ST6GALNAC3: variants seen among roughly 807,000 people sequenced by gnomAD.
ST6GALNAC3 encodes alpha-N-acetylgalactosaminide alpha-2,6-sialyltransferase 3.
Under a neutral mutation model 32.7 loss-of-function variants are expected in ST6GALNAC3, and 25 were observed. The ratio of observed to expected loss-of-function variants is 0.76; its 90% confidence interval spans 0.56 to 1.07. The LOEUF (loss-of-function observed/expected upper bound fraction) is 1.07, where lower values mean the gene tolerates loss of function less well. Ranked by LOEUF, ST6GALNAC3 falls within the 50% of genes least tolerant of loss-of-function variation. The pLI, the probability that ST6GALNAC3 is intolerant of heterozygous loss-of-function variation, is 0.00. For missense variants in ST6GALNAC3, 355 were observed against 382.4 expected, an observed-to-expected ratio of 0.93 and a Z score of 0.60; for synonymous variants, 129 against 133.1, an observed-to-expected ratio of 0.97 and a Z score of 0.21.
At chr1:76,315,768 A>T (rs372023287) in intron 2 of ST6GALNAC3, among the ~76,000 whole-genome samples, 57 of 152,250 alleles carry the variant, frequency 3.7e-4, no homozygotes, top group African/African-American at 1.3e-3. Context: ...AAATAAGGAT[A>T]ACAACATCAG....
intron 3 of ST6GALNAC3, among the ~76,000 whole-genome samples, chr1:76,529,859 T>C (rs1449161139): frequency 6.6e-6 from 1 of 152,158 alleles, no homozygotes; most frequent in Non-Finnish European, 1.5e-5. Context: ...ATGCAAACAT[T>C]GGGGTGGATG....
At chr1:76,369,256 A>T (rs1445430113) in intron 2 of ST6GALNAC3, among the ~76,000 whole-genome samples, 1 of 152,070 alleles carries the variant, frequency 6.6e-6, no homozygotes, top group Non-Finnish European at 1.5e-5. Context: ...CACTTCAAGG[A>T]GGCTGCTCAT....
intron 2 of ST6GALNAC3, among the ~76,000 whole-genome samples, chr1:76,346,908 C>T (rs182349635): frequency 5.7e-4 from 86 of 152,098 alleles, no homozygotes; most frequent in Non-Finnish European, 9.1e-4. Context: ...ATTATTATGA[C>T]GTTTACTTAG....
At chr1:76,435,972 A>G (rs1028814065) in intron 3 of ST6GALNAC3, among the ~76,000 whole-genome samples, 3 of 151,960 alleles carry the variant, frequency 2.0e-5, no homozygotes, top group South Asian at 2.1e-4. Context: ...CCATCACCCA[A>G]ACAGTACACA....
intron 3 of ST6GALNAC3, among the ~76,000 whole-genome samples, chr1:76,502,577 A>G (rs1289486283): frequency 1.3e-5 from 2 of 152,180 alleles, no homozygotes; most frequent in African/African-American, 2.4e-5. Context: ...GTCTGTGTCC[A>G]GATTTCCTCC....
At chr1:76,215,872 G>A (rs768007541) in intron 1 of ST6GALNAC3, among the ~76,000 whole-genome samples, 2 of 152,190 alleles carry the variant, frequency 1.3e-5, no homozygotes, top group Non-Finnish European at 2.9e-5. Context: ...TGGATGTAGG[G>A]AAGCATTTGC....
At chr1:76,276,130 T>C (rs1201247585) in intron 1 of ST6GALNAC3, among the ~76,000 whole-genome samples, 3 of 152,018 alleles carry the variant, frequency 2.0e-5, no homozygotes, top group African/African-American at 4.8e-5. Flanking sequence ...TCTACTAACA[T>C]CTTATTGACC....
chr1:76,576,542 CAAG>C (rs1646811154), intron 3 of ST6GALNAC3, among the ~76,000 whole-genome samples: 1 of 151,984 alleles, frequency 6.6e-6, no homozygotes, highest in Admixed American at 6.6e-5. Context: ...AATAACACCC[CAAG>C]AAGAGCTGAA....
Position 76,630,110 on chromosome 1 carries a change from A to T in ST6GALNAC3, c.*1304A>T. ...CTGTGTATTCTGCTCTCTTTAGCAG[A>T]TGATCTGTAATTTGGTCATTGTTCT... On this transcript the variant is annotated 3_prime_UTR_variant, in exon 5 of 5. Transcript: ENST00000328299. 1.0e-6 allele frequency: 1 copy of T among 985,250 alleles called. No individual in the cohort carries two copies. The highest frequency in any genetic ancestry group is 1.2e-6 in the Non-Finnish European group (1 of 829,838). The allele number at this position is 985,250 out of a possible 1,614,324, so 61.0% of individuals were successfully genotyped here.
intron 1 of ST6GALNAC3, among the ~76,000 whole-genome samples, chr1:76,289,869 A>G (rs1055231363): frequency 6.6e-6 from 1 of 152,158 alleles, no homozygotes; most frequent in Non-Finnish European, 1.5e-5. Context: ...AGGGTTCTTG[A>G]AGCTAGTCAT....
chr1:76,377,571 C>T (rs1251711494), intron 2 of ST6GALNAC3, among the ~76,000 whole-genome samples: 2 of 152,100 alleles, frequency 1.3e-5, no homozygotes, highest in Non-Finnish European at 2.9e-5. Context: ...ATAGTTAAAT[C>T]AGCTCCCACC....
intron 3 of ST6GALNAC3, among the ~76,000 whole-genome samples, chr1:76,523,969 T>C (rs1662710807): frequency 6.6e-6 from 1 of 152,150 alleles, no homozygotes; most frequent in Non-Finnish European, 1.5e-5. Context: ...AAAATGCAGC[T>C]GAAGATCATT....
At chr1:76,557,186 A>G (rs1664978946) in intron 3 of ST6GALNAC3, among the ~76,000 whole-genome samples, 1 of 151,986 alleles carries the variant, frequency 6.6e-6, no homozygotes, top group African/African-American at 2.4e-5. Flanking sequence ...AATTGATCAT[A>G]GATATATATT....
At position 76,102,958 on chromosome 1, in the gene ST6GALNAC3, T is replaced by C. The variant is rs111546985; in HGVS notation, c.18+28074T>C. On this transcript the variant is annotated intron_variant, in intron 1 of 4. Transcript: ENST00000328299. ...ATTTTACTATCACTCTTAGGGATAT[T>C]TCCTCTGGGCATAAAATTCTAGGCT... Among the ~76,000 whole-genome samples the C allele has an allele frequency of 4.6e-5, 7 of 152,212 alleles. 2 individuals carry two copies. Among genetic ancestry groups the C allele is most frequent in the African/African-American group, 1.7e-4 (7 of 41,566 alleles).
chr1:76,214,148 A>G (rs1265351078), intron 1 of ST6GALNAC3, among the ~76,000 whole-genome samples: 2 of 152,124 alleles, frequency 1.3e-5, no homozygotes, highest in East Asian at 3.9e-4. Flanking sequence ...GCCACTACTC[A>G]TATGTGACTA....
chr1:76,379,340 C>G (rs891684273), intron 2 of ST6GALNAC3, among the ~76,000 whole-genome samples: 1 of 152,162 alleles, frequency 6.6e-6, no homozygotes, highest in African/African-American at 2.4e-5. Flanking sequence ...TAACCCCATT[C>G]ACTCTCGGCA....
chr1:76,204,109 CT>C (rs999797116), intron 1 of ST6GALNAC3, among the ~76,000 whole-genome samples: 5 of 151,466 alleles, frequency 3.3e-5, no homozygotes, highest in East Asian at 1.9e-4. Flanking sequence ...ATGAGATCCA[CT>C]TTTTTTTTAA....
intron 1 of ST6GALNAC3, among the ~76,000 whole-genome samples, chr1:76,215,787 G>A (rs1282876886): frequency 1.3e-5 from 2 of 152,136 alleles, no homozygotes; most frequent in Non-Finnish European, 2.9e-5. Context: ...GTCTATTTTA[G>A]GAAGCTGGGT....
At chr1:76,568,506 C>A (rs1472290980) in intron 3 of ST6GALNAC3, among the ~76,000 whole-genome samples, 2 of 152,126 alleles carry the variant, frequency 1.3e-5, no homozygotes, top group Admixed American at 6.6e-5. Context: ...GTCTATAAAC[C>A]CTGTGTAGTC....
Sources: gnomAD v4.1 joint callset for allele counts (sites outside exome capture counted in the v4.1 genomes callset) on GRCh38, gnomAD v4.1.1 for gene constraint, MANE v1.5 for transcripts, NCBI Gene and HGNC (gene_info 2026-07-23, HGNC 2026-07-21) for gene names.